Variants in MIB2 observed in about 807,000 individuals in gnomAD.
MIB2 encodes E3 ubiquitin-protein ligase MIB2.
A neutral mutation model predicts 96.6 loss-of-function variants in MIB2; 78 were observed. The observed-to-expected ratio is 0.81, with a 90% CI of 0.67 to 0.97. The LOEUF is 0.97. Among genes scored for constraint, MIB2 ranks in the 50% least tolerant of loss-of-function variants. The probability of loss-of-function intolerance (pLI) is 0.00; values close to 1 mark genes in which losing one functional copy is unlikely to be tolerated. For missense variants in MIB2, 1,543 were observed against 1,424.0 expected (o/e 1.08, Z -1.35); for synonymous variants, 820 against 629.5 (o/e 1.30, Z -4.53).
At chr1:1,617,151 G>A (rs987054161) in intron 2 of MIB2, 6 of 157,520 alleles carry the variant, frequency 3.8e-5, no homozygotes, top group Admixed American at 3.3e-4. Context: ...GGGCACCTGG[G>A]ATGTCCATCT....
Position 1,628,260 on chromosome 1 carries a change from C to T in MIB2, c.1842-13C>T, listed in dbSNP as rs569593655. 5 of 1,612,986 alleles carry T rather than the reference C, an allele frequency of 3.1e-6. No individual in the cohort carries two copies. The South Asian group carries it at 3.3e-5, about 11-fold the overall frequency. ...GCAGTCCCAGGTCCCAGACCAACCTCCCTGCTCCACAGAGCTGTGAGAAAG... is the reference window on the plus strand; with the variant it reads ...GCAGTCCCAGGTCCCAGACCAACCTTCCTGCTCCACAGAGCTGTGAGAAAG... On this transcript the variant is annotated splice_polypyrimidine_tract_variant and intron_variant, in intron 14 of 19. Transcript: ENST00000355826.
Position 1,616,518 on chromosome 1 carries a change from C to G in MIB2, c.-119C>G. The G allele has an allele frequency of 6.3e-7, 1 of 1,591,606 alleles. No homozygotes were observed. Among genetic ancestry groups the G allele is most frequent in the East Asian group, 2.3e-5 (1 of 43,728 alleles). On this transcript the variant is annotated 5_prime_UTR_variant, in exon 2 of 20. Coordinates refer to ENST00000355826, the MANE Select transcript of MIB2 (RefSeq NM_001170687.4). ...TCCCCTCGGCCACAGGGTTGGAAGC[C>G]CAGCGAGGCTAGAGGCCAGTCCCAA...
intron 2 of MIB2, 186 bp downstream of exon 2, chr1:1,616,800 A>G: frequency 1.8e-6 from 1 of 546,742 alleles, no homozygotes; most frequent in East Asian, 3.4e-5. Flanking sequence ...CAGAGGTGCC[A>G]GACAGGCCTC....
intron 12 of MIB2, 58 bp from the exon 13 acceptor site, chr1:1,627,615 C>G: frequency 6.5e-7 from 1 of 1,542,350 alleles, no homozygotes. Context: ...CGGGGCTGAG[C>G]CTGTGCGTCC....
At chr1:1,615,944 G>T in intron 1 of MIB2, 1 of 989,136 alleles carries the variant, frequency 1.0e-6, no homozygotes, top group Non-Finnish European at 1.2e-6. Flanking sequence ...TGCGGCGCGC[G>T]GCAGGCGCTC....
At position 1,628,624 on chromosome 1, in the gene MIB2, G is replaced by T; in HGVS notation, c.2104G>T (p.Asp702Tyr). 6.3e-7 allele frequency: 1 copy of T among 1,598,494 alleles called. No homozygotes were observed. ...CSVNAEDEEG[D>Y]TALHVALQRH... ...TGTCAACGCCGAGGACGAGGAGGGG[G>T]ACACAGCCCTGCACGTGGCGCTGCA... Residue 702 changes from aspartate (D) to tyrosine (Y), a missense_variant, in exon 16 of 20, where the codon GAC (aspartate) becomes TAC (tyrosine). Coordinates refer to ENST00000355826, the MANE Select transcript of MIB2 (RefSeq NM_001170687.4).
intron 16 of MIB2, 98 bp from the exon 17 acceptor site, chr1:1,629,035 C>G (rs542207950): frequency 2.1e-5 from 26 of 1,264,566 alleles, no homozygotes; most frequent in Non-Finnish European, 2.7e-5. Flanking sequence ...GTATTTTAGA[C>G]ATGGGGCGCC....
upstream of MIB2, chr1:1,615,440 C>A (rs1318144726): frequency 6.6e-7 from 1 of 1,503,936 alleles, no homozygotes; most frequent in Admixed American, 2.2e-5. Context: ...CCTGCCCATC[C>A]CCGTGGCGGG....
At position 1,626,814 on chromosome 1, in the gene MIB2, G is replaced by A; in HGVS notation, c.1078-23G>A. 6.3e-7 allele frequency: 1 copy of A among 1,598,978 alleles called. No homozygotes were observed. Among genetic ancestry groups the A allele is most frequent in the Non-Finnish European group, 8.5e-7 (1 of 1,177,362 alleles). ...CTGCCCCCCACACCTGCAGCCTGCTGTGACCCCCTCCCCTCCCCGCAGGCC... is the reference window on the plus strand; with the variant it reads ...CTGCCCCCCACACCTGCAGCCTGCTATGACCCCCTCCCCTCCCCGCAGGCC... On this transcript the variant is annotated intron_variant, in intron 9 of 19. Coordinates refer to ENST00000355826, the MANE Select transcript of MIB2 (RefSeq NM_001170687.4). The surrounding 1 kb of genome is among the most constrained non-coding windows in gnomAD (Gnocchi z 5.3).
In MIB2 at chr1:1,625,590, G is replaced by A; in HGVS notation, c.909G>A (p.Gly303=). The change falls in exon 8 of 20, where the codon GGG becomes GGA. Residue 303 remains glycine, a synonymous_variant. Transcript: ENST00000355826. The surrounding 1 kb of genome is among the most constrained non-coding windows in gnomAD (Gnocchi z 5.0). ...CCGTGCATCGTATCACGGACCGCGGGGACGTGCGCGTGCAGTTCAACCACG... is the reference window on the plus strand; with the variant it reads ...CCGTGCATCGTATCACGGACCGCGGAGACGTGCGCGTGCAGTTCAACCACG... ...TGTVHRITDR[G]DVRVQFNHET... The A allele has an allele frequency of 6.3e-7, 1 of 1,583,614 alleles. No homozygotes were observed. The highest frequency in any genetic ancestry group is 8.6e-7 in the Non-Finnish European group (1 of 1,165,570).
chr1:1,627,638 C>A (rs374423818), intron 12 of MIB2, 35 bp from the exon 13 acceptor site: 2 of 1,571,714 alleles, frequency 1.3e-6, no homozygotes, highest in East Asian at 2.3e-5. Context: ...CCACCGGGCC[C>A]GGCGCCCTCC....
chr1:1,624,080 T>A, intron 4 of MIB2, 135 bp downstream of exon 4: 3 of 1,130,770 alleles, frequency 2.7e-6, no homozygotes, highest in Non-Finnish European at 3.7e-6. Context: ...GCCGTGGCCT[T>A]AAGCAGTGGT....
Position 1,629,416 on chromosome 1 carries a change from G to A in MIB2, c.2413G>A (p.Gly805Ser), listed in dbSNP as rs1165518137. Reference sequence around the variant, plus strand: ...GCAGGCGGGCGGGGGCGCGGCCCCGGGCCCCAGGCAAACGCTCGGGACCCC... The same window carrying A: ...GCAGGCGGGCGGGGGCGCGGCCCCGAGCCCCAGGCAAACGCTCGGGACCCC... The part of the protein sequence containing the change: ...ERQAGGGAAP[G>S]PRQTLGTPNT... The change falls in exon 18 of 20, where the codon GGC (glycine) becomes AGC (serine). Residue 805 changes from glycine to serine, a missense_variant. Transcript: ENST00000355826. The A allele has an allele frequency of 2.7e-6, 4 of 1,478,834 alleles. No individual in the cohort carries two copies. The highest frequency in any genetic ancestry group is 5.6e-5 in the East Asian group (2 of 36,012). The allele number at this position is 1,478,834 out of a possible 1,614,324, so 91.6% of individuals were successfully genotyped here. A position where few individuals can be genotyped will look rare whatever the true frequency, so the allele number is the denominator to read the frequency against.
Position 1,628,534 on chromosome 1 carries a change from C to G in MIB2, c.2014C>G (p.Leu672Val). 6.2e-7 allele frequency: 1 copy of G among 1,601,362 alleles called. No individual in the cohort carries two copies. The highest frequency in any genetic ancestry group is 8.5e-7 in the Non-Finnish European group (1 of 1,178,752). ...NVRNRKLQSP[L>V]HLAVQQAHVG... ...GCGCAACCGGAAGCTGCAGTCCCCG[C>G]TGCATCTCGCCGTGCAACAGGCCCA... The change falls in exon 16 of 20, where the codon CTG becomes GTG. Residue 672 changes from leucine to valine, a missense_variant. Physicochemically the swap from Leu to Val is conservative, Grantham distance 32. Transcript: ENST00000355826.
chr1:1,616,547 T>A lies in MIB2; in HGVS notation c.-90T>A. On this transcript the variant is annotated 5_prime_UTR_variant, in exon 2 of 20. Coordinates refer to ENST00000355826, the MANE Select transcript of MIB2 (RefSeq NM_001170687.4). ...CGAGGCTAGAGGCCAGTCCCAAAGT[T>A]TCCAGGCATCAGGGCTGCAGCCCAG... is the stretch of plus-strand genomic sequence containing the variant. 1 of 1,600,770 alleles carries A rather than the reference T, an allele frequency of 6.2e-7. No homozygotes were observed. Among genetic ancestry groups the A allele is most frequent in the Non-Finnish European group, 8.5e-7 (1 of 1,174,174 alleles).
chr1:1,626,643 C>T lies in MIB2; in HGVS notation c.973-7C>T, dbSNP rs780701423. On this transcript the variant is annotated splice_polypyrimidine_tract_variant and splice_region_variant and intron_variant, in intron 8 of 19. Coordinates refer to ENST00000355826, the MANE Select transcript of MIB2 (RefSeq NM_001170687.4). This position sits in a 1 kb window ranked among gnomAD's most constrained non-coding sequence, Gnocchi z 5.3. ...GGGGGCCCCTCACGCCCCTCTTTGT[C>T]GCTCAGCACCACTCCTTCTGGGTGG... is the stretch of plus-strand genomic sequence containing the variant. The T allele has an allele frequency of 3.0e-5, 47 of 1,547,860 alleles. No homozygotes were observed. Among genetic ancestry groups the T allele is most frequent in the Admixed American group, 6.0e-5 (3 of 50,360 alleles).
rs1197283834 is a variant in MIB2 at position 1,624,810 on chromosome 1, C to T, written c.435C>T (p.Pro145=). The change falls in exon 5 of 20, where the codon CCC becomes CCT. Residue 145 remains proline, a synonymous_variant. Transcript: ENST00000355826. ...CCTCTTGCAGTGTCACACTGAGTCC[C>T]CGCCAGGGCCTCCCGAGGATCCCAC... ...TAHSRPVTLS[P]RQGLPRIPLR... 1 of 1,612,926 alleles carries T rather than the reference C, an allele frequency of 6.2e-7. No homozygotes were observed.
Position 1,626,788 on chromosome 1 carries a change from G to C in MIB2, c.1077+34G>C. On this transcript the variant is annotated intron_variant, in intron 9 of 19. Transcript: ENST00000355826. The surrounding 1 kb of genome is among the most constrained non-coding windows in gnomAD (Gnocchi z 5.3). ...CCCTGCCACCCCCGCCGCTAGCGCCGCTGCCCCCCACACCTGCAGCCTGCT... is the reference window on the plus strand; with the variant it reads ...CCCTGCCACCCCCGCCGCTAGCGCCCCTGCCCCCCACACCTGCAGCCTGCT... 1 of 1,567,514 alleles carries C rather than the reference G, an allele frequency of 6.4e-7. No homozygotes were observed. The highest frequency in any genetic ancestry group is 8.6e-7 in the Non-Finnish European group (1 of 1,156,252).
chr1:1,625,526 A>G lies in MIB2; in HGVS notation c.865-20A>G. On this transcript the variant is annotated intron_variant, in intron 7 of 19. Coordinates refer to ENST00000355826, the MANE Select transcript of MIB2 (RefSeq NM_001170687.4). The surrounding 1 kb of genome is among the most constrained non-coding windows in gnomAD (Gnocchi z 5.0). ...CAAGCGTCCAGCCCGACCCAGCCAC[A>G]GCTCCATGACCCGCCACAGTTTATC... is the stretch of plus-strand genomic sequence containing the variant. 1 of 1,546,724 alleles carries G rather than the reference A, an allele frequency of 6.5e-7. No individual in the cohort carries two copies. Among genetic ancestry groups the G allele is most frequent in the Non-Finnish European group, 8.7e-7 (1 of 1,144,178 alleles).
Sources: allele counts gnomAD v4.1 joint callset, GRCh38; gene constraint gnomAD v4.1.1; non-coding constraint Gnocchi (gnomAD v3.1); transcripts MANE v1.5; gene names NCBI Gene and HGNC (gene_info 2026-07-23, HGNC 2026-07-21).